The following AFTPH variants were observed in gnomAD, a reference collection of about 807,000 sequenced individuals.
AFTPH encodes the protein aftiphilin, also known as aftiphilin protein.
In AFTPH, 7 loss-of-function variants were observed where a neutral mutation model predicts 72.5. That is an observed-to-expected ratio of 0.10 (90% CI 0.05 to 0.18). AFTPH has a LOEUF of 0.18. Ranked by LOEUF, AFTPH falls within the 10% of genes least tolerant of loss-of-function variation. The pLI, the probability that AFTPH is intolerant of heterozygous loss-of-function variation, is 1.00. For synonymous variants in AFTPH, 337 were observed against 370.1 expected, an observed-to-expected ratio of 0.91 and a Z score of 1.03; for missense variants, 979 against 1,060.5, an observed-to-expected ratio of 0.92 and a Z score of 1.07.
At chr2:64,533,398 G>C (rs535805875) in intron 1 of AFTPH, among the ~76,000 whole-genome samples, 1 of 152,096 alleles carries the variant, frequency 6.6e-6, no homozygotes, top group South Asian at 2.1e-4. Context: ...GTGAGACCCT[G>C]CCTCCAAAAA....
rs748959831 is a variant in AFTPH, at chr2:64,531,415, A to T, written c.-33+6803A>T. The stretch of plus-strand genomic sequence containing the variant: ...CAGTTTTTAAATTACTGGAATTTTT[A>T]TTTTGAATTTAGGCTTTTCAGCAGT... On this transcript the variant is annotated intron_variant, in intron 1 of 8. Coordinates refer to ENST00000238856, the Ensembl canonical transcript of AFTPH. 2.0e-4 allele frequency among the ~76,000 whole-genome samples: 30 copies of T among 152,150 alleles called. 1 individual carries two copies. Among genetic ancestry groups the T allele is most frequent in the Non-Finnish European group, 4.1e-4 (28 of 67,996 alleles).
At chr2:64,570,598 C>T (rs1268153816) in intron 5 of AFTPH, among the ~76,000 whole-genome samples, 2 of 152,140 alleles carry the variant, frequency 1.3e-5, no homozygotes, top group Non-Finnish European at 2.9e-5. Flanking sequence ...ATGATCCCCA[C>T]ATTGTTTTCT....
intron 6 of AFTPH, among the ~76,000 whole-genome samples, chr2:64,578,558 ATTT>A (rs11366274): frequency 0.12 from 17,507 of 146,326 alleles, 2,837 homozygotes; most frequent in African/African-American, 0.36. Context: ...GGAATAGTGA[ATTT>A]TTTTTTTTTT....
exon 2 of AFTPH, chr2:64,552,737 T>A (rs768713555): frequency 6.2e-7 from 1 of 1,614,074 alleles, no homozygotes; most frequent in African/African-American, 1.3e-5. Flanking sequence ...GTAATGACTT[T>A]GTGACTTGCA....
At chr2:64,555,001 T>G (rs1377330097) in intron 2 of AFTPH, among the ~76,000 whole-genome samples, 4 of 152,208 alleles carry the variant, frequency 2.6e-5, no homozygotes, top group Non-Finnish European at 4.4e-5. Context: ...ATATAGGAGA[T>G]AATAAAGCGT....
intron 1 of AFTPH, among the ~76,000 whole-genome samples, chr2:64,547,493 C>G (rs1264360353): frequency 2.0e-5 from 3 of 152,190 alleles, no homozygotes; most frequent in South Asian, 4.2e-4. Flanking sequence ...AAGGTAGTGT[C>G]AGGCTTCACA....
At chr2:64,529,088 A>G (rs1310834009) in intron 1 of AFTPH, among the ~76,000 whole-genome samples, 1 of 152,152 alleles carries the variant, frequency 6.6e-6, no homozygotes, top group Non-Finnish European at 1.5e-5. Flanking sequence ...TAATTCCCTC[A>G]TTTTTAAACT....
chr2:64,556,365 C>T (rs1671376417), intron 2 of AFTPH, among the ~76,000 whole-genome samples: 1 of 152,192 alleles, frequency 6.6e-6, no homozygotes, highest in South Asian at 2.1e-4. Flanking sequence ...TTCAATCTTA[C>T]CCGGATGCCA....
At chr2:64,530,015 G>C (rs528156528) in intron 1 of AFTPH, among the ~76,000 whole-genome samples, 1 of 152,150 alleles carries the variant, frequency 6.6e-6, no homozygotes, top group African/African-American at 2.4e-5. Context: ...AATTAGCCAG[G>C]CATGGTGGCG....
intron 1 of AFTPH, among the ~76,000 whole-genome samples, chr2:64,543,529 C>T (rs920879551): frequency 1.1e-4 from 17 of 152,192 alleles, no homozygotes; most frequent in African/African-American, 3.9e-4. Flanking sequence ...GGCCCATGAA[C>T]TATCTGGAGC....
chr2:64,553,441 G>GTAT (rs777556488), intron 2 of AFTPH, 32 bp downstream of exon 2: 3 of 1,517,338 alleles, frequency 2.0e-6, no homozygotes, highest in Non-Finnish European at 2.6e-6. Flanking sequence ...TTTGTATGAT[G>GTAT]TATTAATTGT....
intron 1 of AFTPH, among the ~76,000 whole-genome samples, chr2:64,536,951 C>CAA (rs70937353): frequency 9.7e-4 from 79 of 81,384 alleles, no homozygotes; most frequent in Middle Eastern, 6.3e-3. Context: ...GACTCTGTCT[C>CAA]AAAAAAAAAA....
intron 7 of AFTPH, chr2:64,580,395 T>C (rs1409601781): frequency 6.6e-6 from 1 of 152,646 alleles, no homozygotes; most frequent in Non-Finnish European, 1.5e-5. Flanking sequence ...AAGCATCCAA[T>C]TGAATTAATA....
intron 1 of AFTPH, among the ~76,000 whole-genome samples, chr2:64,530,936 C>T (rs1469350588): frequency 1.3e-5 from 2 of 151,842 alleles, no homozygotes; most frequent in East Asian, 3.9e-4. Context: ...GTGTCAGGCA[C>T]TTGTAATCCC....
chr2:64,552,746 C>G (rs933903537), exon 2 of AFTPH: 2 of 1,614,054 alleles, frequency 1.2e-6, no homozygotes, highest in Admixed American at 1.7e-5. Flanking sequence ...TTGTGACTTG[C>G]AATGATATCA....
Position 64,553,105 on chromosome 2 carries a change from A to G in AFTPH, c.1631A>G (p.Asn544Ser), listed in dbSNP as rs758982441. 3 of 1,614,208 alleles carry G rather than the reference A, an allele frequency of 1.9e-6. No individual in the cohort carries two copies. The South Asian group carries it at 3.3e-5, about 18-fold the overall frequency. ...ATTGGACATTTTGATTCTGTGCCAAATATTCAGGATGACTGCAATGGTTTT... is the reference window on the plus strand; with the variant it reads ...ATTGGACATTTTGATTCTGTGCCAAGTATTCAGGATGACTGCAATGGTTTT... Residue 544 changes from asparagine to serine, a missense_variant, in exon 2 of 9, where the codon AAT becomes AGT. Around this residue, in one of 3 missense-constraint regions of AFTPH, gnomAD observed 438 missense variants for 530.0 expected, o/e 0.83. Coordinates refer to ENST00000238856, the Ensembl canonical transcript of AFTPH.
At chr2:64,539,621 A>T (rs1169635199) in intron 1 of AFTPH, among the ~76,000 whole-genome samples, 2 of 152,188 alleles carry the variant, frequency 1.3e-5, no homozygotes, top group Non-Finnish European at 2.9e-5. Context: ...ACAATTCAAG[A>T]GTGGTTAGTA....
At chr2:64,588,230 T>G (rs1440732245) in intron 8 of AFTPH, among the ~76,000 whole-genome samples, 2 of 152,194 alleles carry the variant, frequency 1.3e-5, no homozygotes, top group Non-Finnish European at 2.9e-5. Context: ...GTGTCTCGGT[T>G]TTGCTTAGCA....
chr2:64,576,117 A>ATG (rs1558626914), intron 6 of AFTPH, among the ~76,000 whole-genome samples: 4 of 66,864 alleles, frequency 6.0e-5, no homozygotes, highest in Non-Finnish European at 2.4e-5. Flanking sequence ...ACACACACAC[A>ATG]CGTGTGTCAT....
Sources: gnomAD v4.1 joint callset for allele counts (sites outside exome capture counted in the v4.1 genomes callset) on GRCh38, gnomAD v4.1.1 for gene constraint, gnomAD v4.1.1 regional missense constraint, MANE v1.5 for transcripts, NCBI Gene and HGNC (gene_info 2026-07-23, HGNC 2026-07-21) for gene names.